FOXN3: variants seen among roughly 807,000 people sequenced by gnomAD.
The protein encoded by FOXN3 is forkhead box protein N3.
A neutral mutation model predicts 38.4 loss-of-function variants in FOXN3; 7 were observed. That is an observed-to-expected ratio of 0.18 (90% CI 0.10 to 0.34). The LOEUF (loss-of-function observed/expected upper bound fraction) is 0.34. Among genes scored for constraint, FOXN3 ranks in the 10% least tolerant of loss-of-function variants. The pLI is 1.00. For missense variants in FOXN3, 456 were observed against 613.4 expected, an observed-to-expected ratio of 0.74 and a Z score of 2.71; for synonymous variants, 230 against 242.2, an observed-to-expected ratio of 0.95 and a Z score of 0.47.
chr14:89,413,455 G>T (rs1310095821), intron 1 of FOXN3, among the ~76,000 whole-genome samples: 2 of 151,640 alleles, frequency 1.3e-5, no homozygotes, highest in South Asian at 4.2e-4. Context: ...GCAACATGGC[G>T]AAACCCCATC....
chr14:89,513,905 T>TACACACACAC (rs58182379), intron 1 of FOXN3, among the ~76,000 whole-genome samples: 1 of 149,500 alleles, frequency 6.7e-6, no homozygotes, highest in African/African-American at 2.5e-5. Context: ...CTTTCTCTCT[T>TACACACACAC]ACACACACAC....
intron 1 of FOXN3, among the ~76,000 whole-genome samples, chr14:89,579,364 C>T (rs918509032): frequency 2.0e-5 from 3 of 146,502 alleles, no homozygotes; most frequent in Admixed American, 2.0e-4. Flanking sequence ...CTATGTTGCC[C>T]AGGCTGGCCT....
At chr14:89,493,101 A>G (rs570369872) in intron 1 of FOXN3, among the ~76,000 whole-genome samples, 3 of 152,354 alleles carry the variant, frequency 2.0e-5, no homozygotes, top group South Asian at 2.1e-4. Context: ...CGCTTTTTCT[A>G]AAAGTCCACC....
chr14:89,511,810 T>C (rs1253764027), intron 1 of FOXN3, among the ~76,000 whole-genome samples: 2 of 152,120 alleles, frequency 1.3e-5, no homozygotes, highest in South Asian at 2.1e-4. Context: ...ACAATCATGG[T>C]TGAAGGTGAA....
At chr14:89,473,986 A>G (rs1364600331) in intron 1 of FOXN3, among the ~76,000 whole-genome samples, 2 of 152,248 alleles carry the variant, frequency 1.3e-5, no homozygotes, top group African/African-American at 2.4e-5. Context: ...ATCAAAACAC[A>G]TATGTCTTAC....
At chr14:89,282,679 T>C (rs907488027) in intron 3 of FOXN3, among the ~76,000 whole-genome samples, 5 of 152,210 alleles carry the variant, frequency 3.3e-5, no homozygotes, top group African/African-American at 1.2e-4. Flanking sequence ...GAGGACTTCA[T>C]TATAGCAGAG....
At chr14:89,234,468 A>C (rs1884918312) in intron 4 of FOXN3, among the ~76,000 whole-genome samples, 2 of 152,092 alleles carry the variant, frequency 1.3e-5, no homozygotes, top group Admixed American at 6.5e-5. Context: ...TTGAAACCCC[A>C]GTGTTGGAGG....
chr14:89,551,035 A>G (rs1372430951), intron 1 of FOXN3, among the ~76,000 whole-genome samples: 1 of 152,232 alleles, frequency 6.6e-6, no homozygotes, highest in Non-Finnish European at 1.5e-5. Context: ...TCTTTCAGAG[A>G]GCAGAGCCCT....
chr14:89,564,075 G>T (rs932203624), intron 1 of FOXN3, among the ~76,000 whole-genome samples: 1 of 151,910 alleles, frequency 6.6e-6, no homozygotes, highest in African/African-American at 2.4e-5. Context: ...GGCTGGTTTC[G>T]AACTCCTGAC....
intron 1 of FOXN3, among the ~76,000 whole-genome samples, chr14:89,446,568 T>A (rs28547276): frequency 0.023 from 3,497 of 152,316 alleles, 43 homozygotes; most frequent in African/African-American, 0.039. Context: ...TTCTATTTAT[T>A]TAACAACAAT....
chr14:89,330,931 A>C lies in FOXN3; in HGVS notation c.680+19741T>G, dbSNP rs181061802. On this transcript the variant is annotated intron_variant, in intron 3 of 5. Coordinates refer to ENST00000557258, the MANE Select transcript of FOXN3 (RefSeq NM_005197.4). ...CCTGGGCCCACCAAGGGGTAGGCTG[A>C]AGGAATAAACGGCTGCTGGAATGTG... Among the ~76,000 whole-genome samples, 10 of 152,364 alleles carry C rather than the reference A, an allele frequency of 6.6e-5. No individual in the cohort carries two copies. In the East Asian group the frequency reaches 1.9e-3, roughly 29 times the overall value.
At position 89,533,441 on chromosome 14, in the gene FOXN3, A is replaced by T. The variant is rs139991685; in HGVS notation, c.-15+85587T>A. ...CACTTTGGGAGACCCAGGCGGGCGG[A>T]TCACGAAGTCAGGAGATCCAGACCA... On this transcript the variant is annotated intron_variant, in intron 1 of 6. Transcript: ENST00000345097. Among the ~76,000 whole-genome samples, 1,303 of 152,272 alleles carry T rather than the reference A, an allele frequency of 8.6e-3. 14 individuals carry two copies. The highest frequency in any genetic ancestry group is 0.03 in the African/African-American group (1,251 of 41,558).
intron 1 of FOXN3, among the ~76,000 whole-genome samples, chr14:89,485,264 A>G (rs1037219984): frequency 6.6e-6 from 1 of 151,658 alleles, no homozygotes; most frequent in African/African-American, 2.4e-5. Flanking sequence ...ACCATACCCA[A>G]ATTAATCAGG....
At position 89,412,565 on chromosome 14, in the gene FOXN3, C is replaced by T. The variant is rs1891571543; in HGVS notation, c.-14-75G>A. ...AAAGGCAGACTGTACCCCTCTGATC[C>T]TGTTGCCTCCCTCTGCCGCCTCTAT... On this transcript the variant is annotated intron_variant, in intron 1 of 5. Coordinates refer to ENST00000557258, the MANE Select transcript of FOXN3 (RefSeq NM_005197.4). This position sits in a 1 kb window ranked among gnomAD's most constrained non-coding sequence, Gnocchi z 4.7. The T allele has an allele frequency of 3.9e-6, 5 of 1,288,294 alleles. No individual in the cohort carries two copies. In the Admixed American group the frequency reaches 1.0e-4, roughly 26 times the overall value. 79.8% of individuals were successfully genotyped at this position (1,288,294 alleles called of 1,614,324 possible).
At chr14:89,339,406 CCTAA>C (rs1566960790) in intron 3 of FOXN3, among the ~76,000 whole-genome samples, 2 of 152,186 alleles carry the variant, frequency 1.3e-5, no homozygotes, top group African/African-American at 2.4e-5. Context: ...TCTTTCTAGA[CCTAA>C]CTAAGATCTG....
intron 2 of FOXN3, among the ~76,000 whole-genome samples, chr14:89,398,668 A>T (rs1891162430): frequency 6.6e-6 from 1 of 152,112 alleles, no homozygotes; most frequent in African/African-American, 2.4e-5. Context: ...AAAATATTCC[A>T]AAGTTCCATA....
At chr14:89,421,701 AT>A, upstream of FOXN3, among the ~76,000 whole-genome samples, 1 of 143,960 alleles carries the variant, frequency 6.9e-6, no homozygotes, top group South Asian at 2.2e-4. Flanking sequence ...TAATTTTTGT[AT>A]TTTTTTAGTA....
chr14:89,540,735 C>G (rs1894777214), intron 1 of FOXN3, among the ~76,000 whole-genome samples: 1 of 123,356 alleles, frequency 8.1e-6, no homozygotes, highest in Non-Finnish European at 1.7e-5. Context: ...GAGACTATGT[C>G]TCAAAAAAAA....
chr14:89,508,112 A>G (rs1035942262), intron 1 of FOXN3, among the ~76,000 whole-genome samples: 3 of 152,198 alleles, frequency 2.0e-5, no homozygotes, highest in Non-Finnish European at 4.4e-5. Context: ...CAGTCAATAC[A>G]ATACAACATC....
Sources: gnomAD v4.1 joint callset for allele counts (sites outside exome capture counted in the v4.1 genomes callset) on GRCh38, gnomAD v4.1.1 for gene constraint, Gnocchi (gnomAD v3.1) non-coding constraint, MANE v1.5 for transcripts, NCBI Gene and HGNC (gene_info 2026-07-23, HGNC 2026-07-21) for gene names.